The following USP34 variants were observed in gnomAD, a reference collection of about 807,000 sequenced individuals.
USP34 encodes ubiquitin specific peptidase 34.
Under a neutral mutation model 460.3 loss-of-function variants are expected in USP34, and 70 were observed. The observed-to-expected ratio is 0.15, with a 90% CI of 0.13 to 0.19. The LOEUF (loss-of-function observed/expected upper bound fraction) is 0.19. Among genes scored for constraint, USP34 ranks in the 10% least tolerant of loss-of-function variants. The pLI, the probability that USP34 is intolerant of heterozygous loss-of-function variation, is 1.00. For synonymous variants in USP34, 1,647 were observed against 1,405.3 expected (o/e 1.17, Z -3.85); for missense variants, 3,985 against 4,236.2 (o/e 0.94, Z 1.65).
intron 41 of USP34, among the ~76,000 whole-genome samples, chr2:61,275,468 A>C (rs780955944): frequency 1.3e-4 from 19 of 151,968 alleles, no homozygotes; most frequent in Non-Finnish European, 2.6e-4. Flanking sequence ...ATAAATAAAT[A>C]AATAAATTAG....
chr2:61,350,545 C>CT, intron 11 of USP34, 23 bp downstream of exon 11: 1 of 1,560,656 alleles, frequency 6.4e-7, no homozygotes, highest in East Asian at 2.3e-5. Flanking sequence ...AAAAAAAAAA[C>CT]TATCATGTTT....
At chr2:61,231,070 A>T (rs1238517573) in intron 58 of USP34, among the ~76,000 whole-genome samples, 1 of 152,220 alleles carries the variant, frequency 6.6e-6, no homozygotes, top group Non-Finnish European at 1.5e-5. Flanking sequence ...AAAAAAAGAA[A>T]ATGTAATATG....
At chr2:61,445,002 G>A (rs1039722733) in intron 1 of USP34, among the ~76,000 whole-genome samples, 1 of 151,420 alleles carries the variant, frequency 6.6e-6, no homozygotes, top group Non-Finnish European at 1.5e-5. Flanking sequence ...TGATTTCTCT[G>A]TATAAACAAT....
chr2:61,432,802 C>G (rs140688108), intron 1 of USP34, among the ~76,000 whole-genome samples: 189 of 151,812 alleles, frequency 1.2e-3, no homozygotes, highest in Middle Eastern at 3.4e-3. Context: ...TGTTCACTGC[C>G]CATAAACTTT....
chr2:61,203,127 CTTTTA>C lies in USP34; in HGVS notation c.9508+8_9508+12del. 6.4e-7 allele frequency: 1 copy of C among 1,563,884 alleles called. No homozygotes were observed. The highest frequency in any genetic ancestry group is 8.7e-7 in the Non-Finnish European group (1 of 1,153,758). On this transcript the variant is annotated splice_region_variant and intron_variant, in intron 75 of 79. Transcript: ENST00000398571. Reference sequence around the variant, plus strand: ...TAATTCAGTGGAATTTACTGCTCATCTTTTATACTTACTCAGCTTAACTAATGTTT... The same window carrying C: ...TAATTCAGTGGAATTTACTGCTCATCTACTTACTCAGCTTAACTAATGTTT...
chr2:61,277,409 G>T (rs1030665457), intron 41 of USP34, among the ~76,000 whole-genome samples: 1 of 151,822 alleles, frequency 6.6e-6, no homozygotes, highest in Non-Finnish European at 1.5e-5. Context: ...GCAAATTTTT[G>T]TATTTTCTGT....
intron 2 of USP34, among the ~76,000 whole-genome samples, chr2:61,416,544 T>G (rs1333580673): frequency 6.6e-6 from 1 of 152,094 alleles, no homozygotes; most frequent in African/African-American, 2.4e-5. Flanking sequence ...AGTTTTGTAA[T>G]AAGCTTAAAA....
At position 61,348,363 on chromosome 2, in the gene USP34, C is replaced by G. The variant is rs370929108; in HGVS notation, c.1792G>C (p.Ala598Pro). 6.2e-7 allele frequency: 1 copy of G among 1,614,004 alleles called. No homozygotes were observed. The highest frequency in any genetic ancestry group is 8.5e-7 in the Non-Finnish European group (1 of 1,180,018). ...CCAGGGCTCCCAGCTGACTGGCTTG[C>G]GTGGCTAGAATTAACCTCATTGCTA... ...GSSNEVNSSHASQSAGSPGSE... is the reference protein window; with the variant it reads ...GSSNEVNSSHPSQSAGSPGSE... The change falls in exon 15 of 80, where the codon GCA becomes CCA. Residue 598 changes from alanine (A) to proline (P), a missense_variant. Physicochemically the swap from Ala to Pro is conservative, Grantham distance 27 (BLOSUM62 -1). This residue lies in a region of USP34 where 716 missense variants were observed against 626.2 expected (regional missense o/e 1.14). Coordinates refer to ENST00000398571, the MANE Select transcript of USP34 (RefSeq NM_014709.4).
intron 57 of USP34, among the ~76,000 whole-genome samples, chr2:61,235,444 G>A (rs965982893): frequency 6.6e-6 from 1 of 150,522 alleles, no homozygotes; most frequent in African/African-American, 2.4e-5. Flanking sequence ...TCCTGCCTCC[G>A]CCTCCCGAGG....
At chr2:61,321,103 G>T (rs1383683680) in intron 21 of USP34, among the ~76,000 whole-genome samples, 5 of 152,038 alleles carry the variant, frequency 3.3e-5, no homozygotes, top group Non-Finnish European at 7.4e-5. Context: ...TCGAGCCCAG[G>T]AGTTCAAGGC....
chr2:61,189,170 C>G (rs1686542838), intron 78 of USP34, 101 bp from the exon 79 acceptor site: 1 of 1,297,570 alleles, frequency 7.7e-7, no homozygotes, highest in Non-Finnish European at 1.0e-6. Flanking sequence ...GGAATCCATT[C>G]TTTCCTAAGA....
intron 65 of USP34, 111 bp from the exon 66 acceptor site, chr2:61,221,717 G>C: frequency 1.0e-6 from 1 of 959,998 alleles, no homozygotes; most frequent in Middle Eastern, 2.7e-4. Context: ...TGTTAGGGAA[G>C]GAGAGCTCAG....
intron 21 of USP34, among the ~76,000 whole-genome samples, chr2:61,319,699 G>A (rs1690855612): frequency 1.3e-5 from 2 of 152,024 alleles, no homozygotes; most frequent in Admixed American, 1.3e-4. Context: ...CAAAAAATTA[G>A]CTGGGCATGG....
intron 3 of USP34, among the ~76,000 whole-genome samples, chr2:61,395,630 C>G (rs867902721): frequency 6.8e-6 from 1 of 147,766 alleles, no homozygotes; most frequent in Non-Finnish European, 1.5e-5. Flanking sequence ...ACTAAAAATA[C>G]AAAAAATTAG....
intron 20 of USP34, 115 bp from the exon 21 acceptor site, chr2:61,325,572 T>C (rs1209425440): frequency 1.8e-6 from 1 of 548,716 alleles, no homozygotes; most frequent in African/African-American, 2.0e-5. Context: ...TTCATAATTA[T>C]TTTAACTAAG....
intron 34 of USP34, among the ~76,000 whole-genome samples, chr2:61,285,509 GAAAAGAAAAGA>G (rs1224140058): frequency 1.1e-4 from 15 of 141,456 alleles, no homozygotes; most frequent in Non-Finnish European, 1.4e-4. Context: ...AAAAAAGTAA[GAAAAGAAAAGA>G]AAAAGAAAAG....
chr2:61,231,388 T>C (rs573363551), intron 58 of USP34, among the ~76,000 whole-genome samples: 1 of 152,158 alleles, frequency 6.6e-6, no homozygotes, highest in South Asian at 2.1e-4. Context: ...TTTTACATTT[T>C]GAAAGGTCTG....
At chr2:61,285,268 T>C (rs1689652944) in intron 34 of USP34, among the ~76,000 whole-genome samples, 1 of 151,980 alleles carries the variant, frequency 6.6e-6, no homozygotes, top group African/African-American at 2.4e-5. Context: ...GTGGGTGGAT[T>C]GCTTGAGCCC....
chr2:61,462,861 C>CA (rs11302669), intron 1 of USP34, among the ~76,000 whole-genome samples: 261 of 109,996 alleles, frequency 2.4e-3, no homozygotes, highest in South Asian at 8.5e-3. Context: ...AACTGTTTCC[C>CA]AAAAAAAAAA....
Sources: allele counts gnomAD v4.1 joint callset (sites outside exome capture counted in the v4.1 genomes callset), GRCh38; gene constraint gnomAD v4.1.1; regional missense constraint gnomAD v4.1.1; transcripts MANE v1.5; gene names NCBI Gene and HGNC (gene_info 2026-07-23, HGNC 2026-07-21).